The following METRN variants were observed in gnomAD, a reference collection of about 807,000 sequenced individuals.
The protein encoded by METRN is meteorin, glial cell differentiation regulator, also known as meteorin.
METRN carries 17 observed loss-of-function variants against 17.4 expected under a neutral mutation model. The observed-to-expected ratio is 0.98, with a 90% CI of 0.67 to 1.46. The LOEUF (loss-of-function observed/expected upper bound fraction) is 1.46. Ranked by LOEUF, METRN falls within the 40% of genes most tolerant of loss-of-function variation. METRN has a pLI of 0.00. For missense variants in METRN, 489 were observed against 456.2 expected (o/e 1.07, Z -0.65); for synonymous variants, 230 against 210.8 (o/e 1.09, Z -0.79).
rs753300630 is a variant in METRN at position 715,663 on chromosome 16, G to A, written c.184G>A (p.Ala62Thr). ...AEGAVEWLYP[A>T]GALRLTLGGP... ...GGGCGCGGTTGAGTGGCTGTACCCG[G>A]CTGGGGCGCTGCGCCTGACCCTGGG... The change falls in exon 2 of 4, where the codon GCT (alanine) becomes ACT (threonine). Residue 62 changes from alanine to threonine, a missense_variant. Physicochemically the swap from Ala to Thr is moderately conservative, Grantham distance 58. Transcript: ENST00000568223. The A allele has an allele frequency of 4.9e-4, 705 of 1,427,518 alleles. No homozygotes were observed. The highest frequency in any genetic ancestry group is 6.0e-4 in the Non-Finnish European group (656 of 1,095,262). The allele number at this position is 1,427,518 out of a possible 1,614,324, so 88.4% of individuals were successfully genotyped here.
intron 2 of METRN, chr16:716,595 C>T: frequency 3.3e-6 from 5 of 1,535,338 alleles, no homozygotes; most frequent in Non-Finnish European, 4.4e-6. Flanking sequence ...ATCCGGGAAA[C>T]TAGAGGGGTC....
chr16:715,259 C>T lies in METRN; in HGVS notation c.-31C>T. The T allele has an allele frequency of 8.1e-7, 1 of 1,237,596 alleles. No individual in the cohort carries two copies. Among genetic ancestry groups the T allele is most frequent in the Middle Eastern group, 3.3e-4 (1 of 3,066 alleles). 76.7% of individuals were successfully genotyped at this position (1,237,596 alleles called of 1,614,324 possible). On this transcript the variant is annotated 5_prime_UTR_variant, in exon 1 of 4. Transcript: ENST00000568223. ...CCCGCCGGGGCAGCGGTGGTGAGAG[C>T]CCCGACTCCCCGGACGCCGCCCGCC...
At chr16:716,287 G>A in intron 2 of METRN, 2 of 1,374,760 alleles carry the variant, frequency 1.5e-6, no homozygotes, top group Admixed American at 3.3e-5. Flanking sequence ...GGACAGAATC[G>A]AAGCCTCCGG....
At chr16:716,711 T>C (rs1167689140) in intron 2 of METRN, 19 of 1,535,314 alleles carry the variant, frequency 1.2e-5, no homozygotes, top group Non-Finnish European at 1.5e-5. Context: ...ATTCCTGCCT[T>C]GGAGGTACGC....
intron 1 of METRN, 78 bp downstream of exon 1, chr16:715,471 C>T: frequency 8.0e-7 from 1 of 1,256,226 alleles, no homozygotes. Flanking sequence ...CCTCGGAGCG[C>T]GCAGAGCGCT....
Position 717,413 on chromosome 16 carries a change from GT to G in METRN, c.*27del. On this transcript the variant is annotated 3_prime_UTR_variant, in exon 4 of 4. Coordinates refer to ENST00000568223, the MANE Select transcript of METRN (RefSeq NM_024042.4). ...GGGGCTGGGTGCTGGGGAGGGGCTGGTAGGAGGGAGGGTGGGCCCACTGCTT... is the reference window on the plus strand; with the variant it reads ...GGGGCTGGGTGCTGGGGAGGGGCTGGAGGAGGGAGGGTGGGCCCACTGCTT... The G allele has an allele frequency of 9.4e-7, 1 of 1,067,680 alleles. No homozygotes were observed. The highest frequency in any genetic ancestry group is 1.2e-6 in the Non-Finnish European group (1 of 804,676). The allele number at this position is 1,067,680 out of a possible 1,614,324, so 66.1% of individuals were successfully genotyped here.
intron 2 of METRN, 119 bp from the exon 3 acceptor site, chr16:716,814 G>T: frequency 6.6e-7 from 1 of 1,509,616 alleles, no homozygotes. Context: ...ATCAGGCCCT[G>T]AGCGTGGGCT....
intron 2 of METRN, chr16:716,324 C>G (rs2040161507): frequency 7.2e-7 from 1 of 1,398,130 alleles, no homozygotes; most frequent in Non-Finnish European, 9.3e-7. Flanking sequence ...CTCCCTGGCC[C>G]AGCGGTGACC....
chr16:715,493 C>G, intron 1 of METRN, 91 bp from the exon 2 acceptor site: 2 of 1,265,212 alleles, frequency 1.6e-6, no homozygotes, highest in Non-Finnish European at 2.0e-6. Flanking sequence ...GGCCGGTTTC[C>G]CCATCCGCGA....
At position 715,615 on chromosome 16, in the gene METRN, C is replaced by A. The variant is rs1195892686; in HGVS notation, c.136C>A (p.Gln46Lys). The stretch of plus-strand genomic sequence containing the variant: ...CACCCAGGAGCCCGGCAGCGTGGGG[C>A]AGCTGGCCCTGGCCTGTGCGGAGGG... ...GLTQEPGSVG[Q>K]LALACAEGAV... is the part of the protein sequence containing the mutation. Residue 46 changes from glutamine to lysine, a missense_variant, in exon 2 of 4, where the codon CAG becomes AAG. Physicochemically the swap from Gln to Lys is moderately conservative, Grantham distance 53. Transcript: ENST00000568223. 1.4e-6 allele frequency: 2 copies of A among 1,409,444 alleles called. No individual in the cohort carries two copies. The highest frequency in any genetic ancestry group is 3.0e-5 in the East Asian group (1 of 33,104). 87.3% of individuals were successfully genotyped at this position (1,409,444 alleles called of 1,614,324 possible).
intron 2 of METRN, chr16:716,675 T>C (rs1029934952): frequency 7.8e-6 from 12 of 1,535,212 alleles, no homozygotes; most frequent in Admixed American, 2.0e-5. Flanking sequence ...TCGCTAGGCA[T>C]GGCCCCCAGG....
Position 715,284 on chromosome 16 carries a change from C to G in METRN, c.-6C>G. 1.5e-6 allele frequency: 2 copies of G among 1,316,120 alleles called. No individual in the cohort carries two copies. The highest frequency in any genetic ancestry group is 1.9e-6 in the Non-Finnish European group (2 of 1,029,708). The allele number at this position is 1,316,120 out of a possible 1,614,324, so 81.5% of individuals were successfully genotyped here. ...CCCCGACTCCCCGGACGCCGCCCGC[C>G]GTGCCATGGGGTTCCCGGCCGCGGC... On this transcript the variant is annotated 5_prime_UTR_variant, in exon 1 of 4. Coordinates refer to ENST00000568223, the MANE Select transcript of METRN (RefSeq NM_024042.4).
At chr16:716,486 C>A (rs920234124) in intron 2 of METRN, 56 of 1,471,742 alleles carry the variant, frequency 3.8e-5, no homozygotes, top group African/African-American at 1.4e-5. Context: ...TGGGCTCTCG[C>A]TATTCTGCCC....
Position 716,464 on chromosome 16 carries a change from C to T in METRN, c.506-469C>T, listed in dbSNP as rs2040162853. On this transcript the variant is annotated intron_variant, in intron 2 of 3. Coordinates refer to ENST00000568223, the MANE Select transcript of METRN (RefSeq NM_024042.4). Reference sequence around the variant, plus strand: ...GGCTCTCCTGGAGCTTGGCGCCTGACCCTGAAAGGGATGGGCTCTCGCTAT... The same window carrying T: ...GGCTCTCCTGGAGCTTGGCGCCTGATCCTGAAAGGGATGGGCTCTCGCTAT... 1.3e-5 allele frequency: 19 copies of T among 1,445,648 alleles called. No individual in the cohort carries two copies. The East Asian group carries it at 4.2e-4, about 32-fold the overall frequency. The allele number at this position is 1,445,648 out of a possible 1,614,324, so 89.6% of individuals were successfully genotyped here. A position where few individuals can be genotyped will look rare whatever the true frequency, so the allele number is the denominator to read the frequency against.
intron 2 of METRN, chr16:716,727 C>G (rs766052447): frequency 6.5e-7 from 1 of 1,535,470 alleles, no homozygotes; most frequent in South Asian, 1.2e-5. Flanking sequence ...TACGCGCCTG[C>G]AAGTGTGTTT....
chr16:717,394 G>C lies in METRN; in HGVS notation c.*7G>C. On this transcript the variant is annotated 3_prime_UTR_variant, in exon 4 of 4. Transcript: ENST00000568223. Reference sequence around the variant, plus strand: ...CGAGGTGGCGCTGCACTGAGGGGCTGGGTGCTGGGGAGGGGCTGGTAGGAG... The same window carrying C: ...CGAGGTGGCGCTGCACTGAGGGGCTCGGTGCTGGGGAGGGGCTGGTAGGAG... 2.8e-6 allele frequency: 4 copies of C among 1,421,884 alleles called. No individual in the cohort carries two copies. Among genetic ancestry groups the C allele is most frequent in the Non-Finnish European group, 3.7e-6 (4 of 1,092,164 alleles). The allele number at this position is 1,421,884 out of a possible 1,614,324, so 88.1% of individuals were successfully genotyped here. A position where few individuals can be genotyped will look rare whatever the true frequency, so the allele number is the denominator to read the frequency against.
At position 717,423 on chromosome 16, in the gene METRN, G is replaced by C. The variant is rs768313891; in HGVS notation, c.*36G>C. 27 of 1,361,564 alleles carry C rather than the reference G, an allele frequency of 2.0e-5. 1 individual carries two copies. The highest frequency in any genetic ancestry group is 2.5e-5 in the Non-Finnish European group (26 of 1,052,056). 84.3% of individuals were successfully genotyped at this position (1,361,564 alleles called of 1,614,324 possible). A position where few individuals can be genotyped will look rare whatever the true frequency, so the allele number is the denominator to read the frequency against. ...GCTGGGGAGGGGCTGGTAGGAGGGAGGGTGGGCCCACTGCTTTGGAGGTGA... is the reference window on the plus strand; with the variant it reads ...GCTGGGGAGGGGCTGGTAGGAGGGACGGTGGGCCCACTGCTTTGGAGGTGA... On this transcript the variant is annotated 3_prime_UTR_variant, in exon 4 of 4. Coordinates refer to ENST00000568223, the MANE Select transcript of METRN (RefSeq NM_024042.4).
Position 717,683 on chromosome 16 carries a change from G to C in METRN, c.*296G>C, listed in dbSNP as rs577082186. 4 of 348,966 alleles carry C rather than the reference G, an allele frequency of 1.1e-5. No individual in the cohort carries two copies. The highest frequency in any genetic ancestry group is 6.3e-5 in the African/African-American group (3 of 47,488). 21.6% of individuals were successfully genotyped at this position (348,966 alleles called of 1,614,324 possible). ...TTCCGGGGAGGGGCCGCTGCTGGGTGGGGGGCACGTGGGGACCTGCACTCA... is the reference window on the plus strand; with the variant it reads ...TTCCGGGGAGGGGCCGCTGCTGGGTCGGGGGCACGTGGGGACCTGCACTCA... On this transcript the variant is annotated 3_prime_UTR_variant, in exon 4 of 4. Transcript: ENST00000568223.
At chr16:716,186 G>T in intron 2 of METRN, 1 of 985,442 alleles carries the variant, frequency 1.0e-6, no homozygotes, top group Non-Finnish European at 1.2e-6. Flanking sequence ...TCTCTGGAAA[G>T]AGCTGGCAGG....
Sources: allele counts gnomAD v4.1 joint callset, GRCh38; gene constraint gnomAD v4.1.1; transcripts MANE v1.5; gene names NCBI Gene and HGNC (gene_info 2026-07-23, HGNC 2026-07-21).